LPA: variants seen among roughly 807,000 people sequenced by gnomAD.
LPA encodes the protein lipoprotein(a).
Under a neutral mutation model 197.9 loss-of-function variants are expected in LPA, and 199 were observed. The observed-to-expected ratio is 1.01, with a 90% CI of 0.90 to 1.13. LPA has a LOEUF of 1.13. LPA is among the 50% of genes most tolerant of loss of function. The probability of loss-of-function intolerance (pLI) is 0.00; values close to 1 mark genes in which losing one functional copy is unlikely to be tolerated. For missense variants in LPA, 1,853 were observed against 1,785.8 expected (o/e 1.04, Z -0.68); for synonymous variants, 715 against 639.5 (o/e 1.12, Z -1.78).
chr6:160,594,250 TGGA>T (rs1779087994), intron 21 of LPA, 133 bp from the exon 22 acceptor site: 1 of 1,029,846 alleles, frequency 9.7e-7, no homozygotes, highest in East Asian at 2.4e-5. Context: ...AGCAGGCAGA[TGGA>T]CATACCAATA....
intron 26 of LPA, among the ~76,000 whole-genome samples, chr6:160,583,671 T>C (rs113359915): frequency 9.5e-4 from 144 of 152,318 alleles, no homozygotes; most frequent in African/African-American, 3.1e-3. Context: ...AGCCAGAGAC[T>C]TGAAGAGACT....
Position 160,591,042 on chromosome 6 carries a change from G to A in LPA, c.3689C>T (p.Thr1230Ile), listed in dbSNP as rs375574138. 6 of 1,613,840 alleles carry A rather than the reference G, an allele frequency of 3.7e-6. No homozygotes were observed. Among genetic ancestry groups the A allele is most frequent in the Non-Finnish European group, 5.1e-6 (6 of 1,179,928 alleles). ...CTCCCATCTGACATTGGGATCCATG[G>A]TATAACACCAAGGACTAATCTCAGC... ...PDAEISPWCY[T>I]MDPNVRWEYC... Residue 1230 changes from threonine to isoleucine, a missense_variant, in exon 23 of 39, where the codon ACC (threonine) becomes ATC (isoleucine). By Grantham distance (89) the Thr-to-Ile change is moderately conservative. Coordinates refer to ENST00000316300, the MANE Select transcript of LPA (RefSeq NM_005577.4).
intron 1 of LPA, among the ~76,000 whole-genome samples, chr6:160,654,013 TATATATA>T (rs1468741738): frequency 0.61 from 11,569 of 19,118 alleles, 3,173 homozygotes; most frequent in Non-Finnish European, 0.65. Context: ...TAATATATAT[TATATATA>T]ATATATAATA....
chr6:160,570,705 C>A (rs142934541), intron 28 of LPA, among the ~76,000 whole-genome samples: 2,104 of 152,226 alleles, frequency 0.014, 18 homozygotes, highest in Middle Eastern at 0.024. Flanking sequence ...GCAGGAAGAT[C>A]CACTGTTAGT....
At position 160,566,199 on chromosome 6, in the gene LPA, C is replaced by T. The variant is rs569877391; in HGVS notation, c.4632-8628G>A. On this transcript the variant is annotated intron_variant, in intron 28 of 38. Transcript: ENST00000316300. ...CAGAGAATGCCACAAAAATACTCCT[C>T]GAGAAGAGTAACTCCAAGACACATA... is the stretch of plus-strand genomic sequence containing the variant. 2.5e-3 allele frequency among the ~76,000 whole-genome samples: 385 copies of T among 152,192 alleles called. 3 individuals are homozygous for T. The highest frequency in any genetic ancestry group is 9.0e-3 in the African/African-American group (375 of 41,534).
At chr6:160,537,830 A>G (rs756380539) in intron 37 of LPA, 25 bp downstream of exon 37, 2 of 1,598,378 alleles carry the variant, frequency 1.3e-6, no homozygotes, top group East Asian at 4.5e-5. Flanking sequence ...ACAATTTGTT[A>G]CGTGGGCAAT....
chr6:160,598,700 C>T (rs1205362713), intron 20 of LPA, among the ~76,000 whole-genome samples: 1 of 152,184 alleles, frequency 6.6e-6, no homozygotes, highest in Non-Finnish European at 1.5e-5. Flanking sequence ...TTGTTCTTCT[C>T]CTCTGGGCAG....
At chr6:160,539,310 A>T (rs1777941137) in intron 36 of LPA, among the ~76,000 whole-genome samples, 1 of 152,206 alleles carries the variant, frequency 6.6e-6, no homozygotes, top group African/African-American at 2.4e-5. Flanking sequence ...AGGTCCAAAT[A>T]GACTAACTTT....
chr6:160,570,603 G>A (rs1051039952), intron 28 of LPA, among the ~76,000 whole-genome samples: 2 of 152,116 alleles, frequency 1.3e-5, no homozygotes, highest in African/African-American at 2.4e-5. Flanking sequence ...CCTGCACCTT[G>A]TGCACATGTA....
intron 28 of LPA, among the ~76,000 whole-genome samples, chr6:160,568,878 C>T (rs1778511404): frequency 6.6e-6 from 1 of 152,184 alleles, no homozygotes; most frequent in Non-Finnish European, 1.5e-5. Context: ...AACTCCCATT[C>T]ACAATTGCTT....
rs376760747 is a variant in LPA, at chr6:160,593,918, G to C, written c.3629+40C>G. 1.3e-4 allele frequency: 209 copies of C among 1,610,654 alleles called. No homozygotes were observed. In the African/African-American group the frequency reaches 2.4e-3, roughly 19 times the overall value. ...ATGGCCCTTCCAAGAGAAATGTAAG[G>C]GGGCTGCTGTCTGTCTTTGAAGAAA... is the stretch of plus-strand genomic sequence containing the variant. On this transcript the variant is annotated intron_variant, in intron 22 of 38. Transcript: ENST00000316300.
intron 20 of LPA, among the ~76,000 whole-genome samples, chr6:160,596,404 T>TC (rs1427613929): frequency 2.6e-4 from 39 of 152,270 alleles, no homozygotes; most frequent in African/African-American, 8.9e-4. Flanking sequence ...TTTTTTTTTT[T>TC]TTCTTGTGTA....
intron 1 of LPA, among the ~76,000 whole-genome samples, chr6:160,653,446 C>G (rs1382684304): frequency 6.6e-6 from 1 of 152,064 alleles, no homozygotes; most frequent in Non-Finnish European, 1.5e-5. Context: ...CCCCGCTCAA[C>G]AACAGAAGAA....
At chr6:160,541,000 G>T in intron 35 of LPA, 107 bp downstream of exon 35, 1 of 912,740 alleles carries the variant, frequency 1.1e-6, no homozygotes, top group Non-Finnish European at 1.8e-6. Flanking sequence ...AGGAAGAGAG[G>T]TGGGGAGGAA....
intron 28 of LPA, among the ~76,000 whole-genome samples, chr6:160,560,763 G>A (rs1259967976): frequency 3.9e-5 from 6 of 151,994 alleles, no homozygotes; most frequent in African/African-American, 1.5e-4. Context: ...GTTTTTTGCT[G>A]TGCAGAAGCT....
chr6:160,604,237 A>T (rs1779300459), intron 18 of LPA, among the ~76,000 whole-genome samples: 1 of 152,164 alleles, frequency 6.6e-6, no homozygotes, highest in Non-Finnish European at 1.5e-5. Flanking sequence ...GCTACAGTCC[A>T]TCTGGGCTCC....
intron 20 of LPA, among the ~76,000 whole-genome samples, chr6:160,599,268 G>A (rs906993789): frequency 5.9e-5 from 9 of 152,130 alleles, no homozygotes; most frequent in Non-Finnish European, 1.0e-4. Context: ...GTGTGAACCC[G>A]GGAGGCGGAG....
At chr6:160,611,818 T>A in intron 15 of LPA, 97 bp from the exon 16 acceptor site, 11 of 1,111,134 alleles carry the variant, frequency 9.9e-6, no homozygotes, top group Non-Finnish European at 1.4e-5. Flanking sequence ...CTATGAGAAT[T>A]ATGAACGTTA....
rs184090667 is a variant in LPA at position 160,545,217 on chromosome 6, T to C, written c.5398+223A>G. On this transcript the variant is annotated intron_variant, in intron 33 of 38. Coordinates refer to ENST00000316300, the MANE Select transcript of LPA (RefSeq NM_005577.4). ...TTTGGGAATTTGACATTTATTTTAT[T>C]TATGTGTGTGTGGTGGGAGGGGCGG... Among the ~76,000 whole-genome samples the C allele has an allele frequency of 3.7e-3, 566 of 152,142 alleles. 6 individuals carry two copies. The highest frequency in any genetic ancestry group is 0.013 in the African/African-American group (557 of 41,502).
Sources: gnomAD v4.1 joint callset for allele counts (sites outside exome capture counted in the v4.1 genomes callset) on GRCh38, gnomAD v4.1.1 for gene constraint, MANE v1.5 for transcripts, NCBI Gene and HGNC (gene_info 2026-07-23, HGNC 2026-07-21) for gene names.